HTRA3: variants seen among roughly 807,000 people sequenced by gnomAD.
HTRA3 encodes serine protease HTRA3.
HTRA3 carries 41 observed loss-of-function variants against 43.2 expected under a neutral mutation model. The observed-to-expected ratio is 0.95, with a 90% CI of 0.74 to 1.23. HTRA3 has a LOEUF of 1.23. HTRA3 is among the 50% of genes most tolerant of loss of function. The pLI is 0.00. For missense variants in HTRA3, 628 were observed against 647.1 expected (o/e 0.97, Z 0.32); for synonymous variants, 295 against 287.9 (o/e 1.02, Z -0.25).
At chr4:8,283,371 G>A (rs1318196370) in intron 2 of HTRA3, among the ~76,000 whole-genome samples, 2 of 152,108 alleles carry the variant, frequency 1.3e-5, no homozygotes, top group South Asian at 2.1e-4. Flanking sequence ...GGCCTGCCCC[G>A]GTCCCTGCCA....
At chr4:8,289,989 G>A (rs982018426) in intron 3 of HTRA3, among the ~76,000 whole-genome samples, 2 of 152,142 alleles carry the variant, frequency 1.3e-5, no homozygotes, top group Non-Finnish European at 2.9e-5. Context: ...CTTGGGTGCA[G>A]GGAGGACGGG....
chr4:8,288,894 CG>C (rs1560138800), intron 3 of HTRA3, among the ~76,000 whole-genome samples: 11,394 of 103,462 alleles, frequency 0.11, 1,524 homozygotes, highest in East Asian at 0.39. Context: ...TCCTTCCTTC[CG>C]TCCGTCCTTC....
At position 8,286,623 on chromosome 4, in the gene HTRA3, C is replaced by A; in HGVS notation, c.548C>A (p.Ala183Asp). ...GGTTCTGGCTTCATCATGTCAGAGG[C>A]CGGCCTGATCATCACCAATGCCCAC... The part of the protein sequence containing the change: ...SSGSGFIMSE[A>D]GLIITNAHVV... The change falls in exon 3 of 9, where the codon GCC becomes GAC. Residue 183 changes from alanine (A) to aspartate (D), a missense_variant. Ala to Asp is a moderately radical substitution (Grantham distance 126). Coordinates refer to ENST00000307358, the MANE Select transcript of HTRA3 (RefSeq NM_053044.5). This position sits in a 1 kb window ranked among gnomAD's most constrained non-coding sequence, Gnocchi z 4.9. The A allele has an allele frequency of 6.2e-7, 1 of 1,614,198 alleles. No individual in the cohort carries two copies. The highest frequency in any genetic ancestry group is 1.3e-5 in the African/African-American group (1 of 75,044).
intron 7 of HTRA3, among the ~76,000 whole-genome samples, chr4:8,303,900 TCATCCATCCATC>T (rs542518473): frequency 6.6e-6 from 1 of 151,968 alleles, no homozygotes; most frequent in East Asian, 1.9e-4. Flanking sequence ...ATTCCTTCAT[TCATCCATCCATC>T]CATCCATCCA....
At position 8,296,009 on chromosome 4, in the gene HTRA3, C is replaced by T. The variant is rs999294501; in HGVS notation, c.1051+1808C>T. ...AAGCTCAGAGCTAGATTCAGGGGTG[C>T]ACCCAGACCTGTCCTAGCATGCTCC... On this transcript the variant is annotated intron_variant, in intron 6 of 8. Coordinates refer to ENST00000307358, the MANE Select transcript of HTRA3 (RefSeq NM_053044.5). This position sits in a 1 kb window ranked among gnomAD's most constrained non-coding sequence, Gnocchi z 5.3. 27 of 1,179,628 alleles carry T rather than the reference C, an allele frequency of 2.3e-5. No homozygotes were observed. In the African/African-American group the frequency reaches 4.3e-4, roughly 19 times the overall value. The allele number at this position is 1,179,628 out of a possible 1,614,324, so 73.1% of individuals were successfully genotyped here.
At chr4:8,305,741 C>G (rs1713818600) in intron 8 of HTRA3, among the ~76,000 whole-genome samples, 1 of 152,074 alleles carries the variant, frequency 6.6e-6, no homozygotes, top group South Asian at 2.1e-4. Context: ...GAGCTTGAAC[C>G]CACCCTTCTG....
At position 8,286,911 on chromosome 4, in the gene HTRA3, G is replaced by A. The variant is rs895422103; in HGVS notation, c.708+128G>A. On this transcript the variant is annotated intron_variant, in intron 3 of 8. Transcript: ENST00000307358. The surrounding 1 kb of genome is among the most constrained non-coding windows in gnomAD (Gnocchi z 4.9). ...GCCAGGGGGAGGAAACTGGGCCCAG[G>A]GAGGACTGGCAGCTGGCCCAGGGTC... 1 of 706,778 alleles carries A rather than the reference G, an allele frequency of 1.4e-6. No individual in the cohort carries two copies. The highest frequency in any genetic ancestry group is 2.7e-5 in the Admixed American group (1 of 37,498). The allele number at this position is 706,778 out of a possible 1,614,324, so 43.8% of individuals were successfully genotyped here.
At position 8,272,491 on chromosome 4, in the gene HTRA3, C is replaced by T. The variant is rs146342425; in HGVS notation, c.385+2138C>T. 3.2e-4 allele frequency among the ~76,000 whole-genome samples: 49 copies of T among 152,356 alleles called. No individual in the cohort carries two copies. The East Asian group carries it at 6.9e-3, about 22-fold the overall frequency. On this transcript the variant is annotated intron_variant, in intron 1 of 8. Coordinates refer to ENST00000307358, the MANE Select transcript of HTRA3 (RefSeq NM_053044.5). ...ATGAGGTGACCTTAGACCACTTGCT[C>T]ACCGTGAGTTTCCTCAAATGAGAAG... is the stretch of plus-strand genomic sequence containing the variant.
chr4:8,301,005 TTTATTGATTCACACTCATCTTTA>T (rs1560143431), intron 6 of HTRA3, among the ~76,000 whole-genome samples: 2 of 151,678 alleles, frequency 1.3e-5, no homozygotes, highest in East Asian at 3.9e-4. Context: ...CACACTCATC[TTTATTGATTCACACTCATCTTTA>T]TTATTGATTC....
At chr4:8,304,799 G>C (rs1400512975) in intron 8 of HTRA3, among the ~76,000 whole-genome samples, 1 of 151,850 alleles carries the variant, frequency 6.6e-6, no homozygotes, top group African/African-American at 2.4e-5. Context: ...CAGATTACAA[G>C]TGCCCACCAC....
In HTRA3 at chr4:8,306,486, C is replaced by G. The variant is rs1713855640; in HGVS notation, c.*350C>G. On this transcript the variant is annotated 3_prime_UTR_variant, in exon 9 of 9. Coordinates refer to ENST00000307358, the MANE Select transcript of HTRA3 (RefSeq NM_053044.5). The surrounding 1 kb of genome is among the most constrained non-coding windows in gnomAD (Gnocchi z 8.9). ...TGTGAACACCCATCTGCAGTATCCC[C>G]TGCTCCTGCCCCTCCTACTGCAGGT... is the stretch of plus-strand genomic sequence containing the variant. 1 of 201,602 alleles carries G rather than the reference C, an allele frequency of 5.0e-6. No homozygotes were observed. Among genetic ancestry groups the G allele is most frequent in the Non-Finnish European group, 1.0e-5 (1 of 98,202 alleles). The allele number at this position is 201,602 out of a possible 1,614,324, so 12.5% of individuals were successfully genotyped here.
At position 8,305,780 on chromosome 4, in the gene HTRA3, G is replaced by A. The variant is rs1279387712; in HGVS notation, c.1197-191G>A. ...CATGGGAGAAGCAGTTTGAAAGGTT[G>A]TTTCCCTGTCGTGTGACATTGGTTT... On this transcript the variant is annotated intron_variant, in intron 8 of 8. Coordinates refer to ENST00000307358, the MANE Select transcript of HTRA3 (RefSeq NM_053044.5). 2.0e-5 allele frequency among the ~76,000 whole-genome samples: 3 copies of A among 152,208 alleles called. No homozygotes were observed. The East Asian group carries it at 5.8e-4, about 29-fold the overall frequency.
chr4:8,301,237 ATTGATTCACACTCAGCTTTAT>A (rs1713643458), intron 6 of HTRA3, among the ~76,000 whole-genome samples: 1 of 74,786 alleles, frequency 1.3e-5, no homozygotes. Context: ...CATCTTTATT[ATTGATTCACACTCAGCTTTAT>A]TGATTCACAC....
chr4:8,295,631 TGGCCAACGCCCA>T lies in HTRA3; in HGVS notation c.1051+1435_1051+1446del. 1 of 1,279,012 alleles carries T rather than the reference TGGCCAACGCCCA, an allele frequency of 7.8e-7. No homozygotes were observed. The highest frequency in any genetic ancestry group is 1.0e-6 in the Non-Finnish European group (1 of 991,974). The allele number at this position is 1,279,012 out of a possible 1,614,324, so 79.2% of individuals were successfully genotyped here. ...CATTGTGTCTCCTGTGCCCACCTCCTGGCCAACGCCCAGGCCTGACTCAGCAACTCACACTTC... is the reference window on the plus strand; with the variant it reads ...CATTGTGTCTCCTGTGCCCACCTCCTGGCCTGACTCAGCAACTCACACTTC... On this transcript the variant is annotated intron_variant, in intron 6 of 8. Coordinates refer to ENST00000307358, the MANE Select transcript of HTRA3 (RefSeq NM_053044.5). The surrounding 1 kb of genome is among the most constrained non-coding windows in gnomAD (Gnocchi z 6.9).
intron 1 of HTRA3, 126 bp from the exon 2 acceptor site, chr4:8,282,311 G>A (rs754157720): frequency 2.4e-4 from 178 of 735,222 alleles, no homozygotes; most frequent in Non-Finnish European, 3.2e-4. Context: ...TGTGGGCTGA[G>A]GCTGGCTCTG....
intron 5 of HTRA3, among the ~76,000 whole-genome samples, 158 bp from the exon 6 acceptor site, chr4:8,293,929 T>C (rs1713340981): frequency 6.6e-6 from 1 of 151,670 alleles, no homozygotes; most frequent in African/African-American, 2.4e-5. Flanking sequence ...CTGACACAGG[T>C]GTGATCCTGA....
chr4:8,272,532 G>A (rs139491092), intron 1 of HTRA3, among the ~76,000 whole-genome samples: 1 of 152,364 alleles, frequency 6.6e-6, no homozygotes, highest in African/African-American at 2.4e-5. Flanking sequence ...ACCTGCAGGA[G>A]AGCTGCTGCC....
chr4:8,301,254 TTTA>T (rs74205069), intron 6 of HTRA3, among the ~76,000 whole-genome samples: 238 of 78,096 alleles, frequency 3.0e-3, no homozygotes, highest in African/African-American at 0.012. Context: ...CACACTCAGC[TTTA>T]TTGATTCACA....
In HTRA3 at chr4:8,286,966, C is replaced by A. The variant is rs1713012112; in HGVS notation, c.708+183C>A. ...CTTGGAAAAGACCTAGAACCCAGGT[C>A]TTTGGACTCCTTGTCCTGCGCTCCC... On this transcript the variant is annotated intron_variant, in intron 3 of 8. Coordinates refer to ENST00000307358, the MANE Select transcript of HTRA3 (RefSeq NM_053044.5). The surrounding 1 kb of genome is among the most constrained non-coding windows in gnomAD (Gnocchi z 4.9). 2.0e-5 allele frequency among the ~76,000 whole-genome samples: 3 copies of A among 152,188 alleles called. No individual in the cohort carries two copies. The highest frequency in any genetic ancestry group is 7.2e-5 in the African/African-American group (3 of 41,448).
Sources: allele counts gnomAD v4.1 joint callset (sites outside exome capture counted in the v4.1 genomes callset), GRCh38; gene constraint gnomAD v4.1.1; non-coding constraint Gnocchi (gnomAD v3.1); transcripts MANE v1.5; gene names NCBI Gene and HGNC (gene_info 2026-07-23, HGNC 2026-07-21).